The following UBOX5 variants were observed in gnomAD, a reference collection of about 807,000 sequenced individuals.
UBOX5 encodes U-box domain containing 5, also known as RING finger protein 37.
Under a neutral mutation model 39.0 loss-of-function variants are expected in UBOX5, and 28 were observed. The observed-to-expected ratio is 0.72, with a 90% CI of 0.53 to 0.98. UBOX5 has a LOEUF of 0.98. Ranked by LOEUF, UBOX5 falls within the 50% of genes least tolerant of loss-of-function variation. UBOX5 has a pLI of 0.00. For synonymous variants in UBOX5, 283 were observed against 275.5 expected (o/e 1.03, Z -0.27); for missense variants, 585 against 674.4 (o/e 0.87, Z 1.47).
Position 3,113,066 on chromosome 20 carries a change from G to A in UBOX5, c.1417+2239C>T, listed in dbSNP as rs548882047. On this transcript the variant is annotated intron_variant, in intron 4 of 4. Coordinates refer to ENST00000217173, the MANE Select transcript of UBOX5 (RefSeq NM_014948.4). ...AGGCAGGTAGATCACCTGAGGTCAG[G>A]AGTTCGAGACCAGCCTGGCCAACAT... Among the ~76,000 whole-genome samples the A allele has an allele frequency of 8.0e-5, 12 of 150,880 alleles. No individual in the cohort carries two copies. The South Asian group carries it at 1.3e-3, about 16-fold the overall frequency.
chr20:3,155,509 C>T (rs2066674853), intron 1 of UBOX5, among the ~76,000 whole-genome samples: 1 of 151,466 alleles, frequency 6.6e-6, no homozygotes, highest in African/African-American at 2.4e-5. Context: ...CCAGTCTGGG[C>T]AACAGAGCGA....
chr20:3,145,439 TCC>T (rs759800196), intron 1 of UBOX5, among the ~76,000 whole-genome samples: 4 of 148,480 alleles, frequency 2.7e-5, no homozygotes, highest in Non-Finnish European at 6.0e-5. Context: ...GGCCTTTTTT[TCC>T]TTTTTTTTTT....
rs1487580231 is a variant in UBOX5 at position 3,130,216 on chromosome 20, CCT to C, written c.-41-6812_-41-6811del. ...TCCAGACTGGGTGACAGAGTGAGAC[CCT>C]GTCTCCAAAAATAAATAAATAAATA... On this transcript the variant is annotated intron_variant, in intron 1 of 4. Transcript: ENST00000217173. Among the ~76,000 whole-genome samples, 4 of 144,176 alleles carry C rather than the reference CCT, an allele frequency of 2.8e-5. No individual in the cohort carries two copies. The Admixed American group carries it at 2.9e-4, about 10-fold the overall frequency. 94.6% of individuals were successfully genotyped at this position (144,176 alleles called of 152,430 possible). A position where few individuals can be genotyped will look rare whatever the true frequency, so the allele number is the denominator to read the frequency against.
intron 1 of UBOX5, chr20:3,146,531 A>G (rs770035766): frequency 1.6e-5 from 7 of 448,196 alleles, no homozygotes; most frequent in Non-Finnish European, 2.7e-5. Context: ...ACTTGACCGT[A>G]GGACATATTA....
chr20:3,137,246 G>C (rs2066479383), intron 1 of UBOX5, among the ~76,000 whole-genome samples: 1 of 151,872 alleles, frequency 6.6e-6, no homozygotes, highest in Non-Finnish European at 1.5e-5. Flanking sequence ...CACCCAACCA[G>C]AAATTGTTTC....
chr20:3,122,800 T>C (rs1017348808), intron 2 of UBOX5, among the ~76,000 whole-genome samples: 1 of 152,048 alleles, frequency 6.6e-6, no homozygotes, highest in Non-Finnish European at 1.5e-5. Context: ...TATGAGCAAC[T>C]GAGCTGGGCA....
chr20:3,110,189 C>A lies in UBOX5; in HGVS notation c.1543G>T (p.Glu515Ter), dbSNP rs200363247. The change falls in exon 5 of 5, where the codon GAG becomes TAG. Residue 515 changes from glutamate (E) to a stop codon, truncating the protein, a stop_gained. Transcript: ENST00000217173. LOFTEE classifies it high-confidence loss of function. The part of the protein sequence containing the change: ...GHLLCRPCLG[E>*]KQRSLPMTCT... ...GTCATGGGCAGGGAGCGTTGCTTCT[C>A]ACCCAGGCAGGGTCGGCACAGGAGG... 1 of 1,613,928 alleles carries A rather than the reference C, an allele frequency of 6.2e-7. No homozygotes were observed. The highest frequency in any genetic ancestry group is 1.3e-5 in the African/African-American group (1 of 75,062).
chr20:3,143,095 GTCT>G (rs869252379), intron 1 of UBOX5, among the ~76,000 whole-genome samples: 33 of 121,534 alleles, frequency 2.7e-4, no homozygotes, highest in African/African-American at 8.5e-4. Context: ...TTAATCATCT[GTCT>G]TTTTTTTTTT....
chr20:3,157,846 T>C (rs1282010748), intron 1 of UBOX5, among the ~76,000 whole-genome samples: 2 of 152,278 alleles, frequency 1.3e-5, no homozygotes, highest in Non-Finnish European at 2.9e-5. Flanking sequence ...CAAGGCTGTA[T>C]AGAGGCTGTA....
intron 1 of UBOX5, among the ~76,000 whole-genome samples, chr20:3,152,481 G>A (rs146441703): frequency 5.8e-4 from 88 of 152,094 alleles, no homozygotes; most frequent in African/African-American, 2.0e-3. Flanking sequence ...CAGCCCGGGC[G>A]ATAGTGCAAG....
At chr20:3,159,536 T>A (rs1263428238) in intron 1 of UBOX5, among the ~76,000 whole-genome samples, 1 of 152,200 alleles carries the variant, frequency 6.6e-6, no homozygotes, top group Non-Finnish European at 1.5e-5. Context: ...AAGGGTCAGA[T>A]AAGCCCCCTG....
intron 1 of UBOX5, chr20:3,151,751 T>A (rs189766104): frequency 1.3e-5 from 2 of 152,144 alleles, no homozygotes; most frequent in African/African-American, 2.4e-5. Flanking sequence ...ATTACAGTCC[T>A]CAAAATAGTC....
chr20:3,159,387 A>C (rs56362715), intron 1 of UBOX5, among the ~76,000 whole-genome samples: 2,098 of 152,294 alleles, frequency 0.014, 19 homozygotes, highest in Middle Eastern at 0.068. Context: ...CCCCAGTCCT[A>C]CAGAATCAGA....
At chr20:3,139,693 C>T (rs750590899) in intron 1 of UBOX5, among the ~76,000 whole-genome samples, 8 of 151,990 alleles carry the variant, frequency 5.3e-5, no homozygotes, top group Admixed American at 2.0e-4. Context: ...GGATTACAGG[C>T]GTGAGCCACT....
intron 4 of UBOX5, chr20:3,111,583 T>C (rs1248128130): frequency 6.6e-6 from 1 of 152,654 alleles, no homozygotes; most frequent in Admixed American, 6.5e-5. Context: ...TTCCAATCAC[T>C]TCTTTGCACA....
intron 1 of UBOX5, among the ~76,000 whole-genome samples, chr20:3,145,151 T>A (rs185989596): frequency 2.0e-5 from 3 of 151,938 alleles, no homozygotes; most frequent in Non-Finnish European, 4.4e-5. Flanking sequence ...TAAGTGAAGC[T>A]TTGAGAGCCT....
In UBOX5 at chr20:3,147,267, G is replaced by C. The variant is rs768305527; in HGVS notation, c.-42+12499C>G. ...GCCGGCGTGGCTTCTCTATTAAATG[G>C]TAATGGCTTCAGGTTAACATCAAGC... On this transcript the variant is annotated intron_variant, in intron 1 of 4. Transcript: ENST00000217173. 3 of 1,614,184 alleles carry C rather than the reference G, an allele frequency of 1.9e-6. No homozygotes were observed. In the South Asian group the frequency reaches 3.3e-5, roughly 18 times the overall value.
At position 3,113,522 on chromosome 20, in the gene UBOX5, C is replaced by T. The variant is rs547057824; in HGVS notation, c.1417+1783G>A. Among the ~76,000 whole-genome samples, 11 of 151,954 alleles carry T rather than the reference C, an allele frequency of 7.2e-5. No individual in the cohort carries two copies. In the South Asian group the frequency reaches 1.0e-3, roughly 14 times the overall value. ...ATGAGTATGATGAGCCACAGTAAGG[C>T]GAGGATGGGGGGATACCAGCAGGGG... On this transcript the variant is annotated intron_variant, in intron 4 of 4. Transcript: ENST00000217173.
chr20:3,119,712 G>A (rs112639386), intron 3 of UBOX5, among the ~76,000 whole-genome samples: 2,574 of 152,170 alleles, frequency 0.017, 65 homozygotes, highest in African/African-American at 0.059. Flanking sequence ...AAAATTAGCC[G>A]GTGTGGTGGT....
Sources: gnomAD v4.1 joint callset for allele counts (sites outside exome capture counted in the v4.1 genomes callset) on GRCh38, gnomAD v4.1.1 for gene constraint, MANE v1.5 for transcripts, NCBI Gene and HGNC (gene_info 2026-07-23, HGNC 2026-07-21) for gene names.